Variants in MAPK14 observed in about 807,000 individuals in gnomAD.
MAPK14 encodes CSAID-binding protein.
MAPK14 carries 16 observed loss-of-function variants against 49.6 expected under a neutral mutation model. The ratio of observed to expected loss-of-function variants is 0.32; its 90% CI spans 0.22 to 0.49. MAPK14 has a LOEUF of 0.49. MAPK14 is among the 20% of genes least tolerant of loss of function. The probability of loss-of-function intolerance (pLI) is 0.99; values close to 1 mark genes in which losing one functional copy is unlikely to be tolerated. For synonymous variants in MAPK14, 142 were observed against 158.0 expected (o/e 0.90, Z 0.76); for missense variants, 200 against 441.2 (o/e 0.45, Z 4.90).
chr6:36,113,897 T>A (rs769941674), downstream of MAPK14, among the ~76,000 whole-genome samples: 3 of 152,242 alleles, frequency 2.0e-5, no homozygotes, highest in Non-Finnish European at 4.4e-5. Flanking sequence ...CTGTTAGGCC[T>A]CTGGCAAGCA....
chr6:36,121,192 A>T, the MAPK14 span, among the ~76,000 whole-genome samples: 1 of 152,136 alleles, frequency 6.6e-6, no homozygotes, highest in Admixed American at 6.5e-5. Flanking sequence ...GGGCACAGAC[A>T]CCTTGGAGGA....
At chr6:36,084,415 A>G (rs9366897) in intron 8 of MAPK14, among the ~76,000 whole-genome samples, 16,545 of 152,274 alleles carry the variant, frequency 0.11, 1,691 homozygotes, top group East Asian at 0.51. Flanking sequence ...CTAAAGGAGC[A>G]TGTTCTAACC....
the MAPK14 span, among the ~76,000 whole-genome samples, chr6:36,121,230 TC>T: frequency 6.6e-6 from 1 of 152,194 alleles, no homozygotes; most frequent in Non-Finnish European, 1.5e-5. Flanking sequence ...GCAGGGCCTG[TC>T]CGGATGGGGG....
chr6:36,082,419 A>G (rs1335568362), intron 8 of MAPK14, among the ~76,000 whole-genome samples: 1 of 152,210 alleles, frequency 6.6e-6, no homozygotes, highest in Non-Finnish European at 1.5e-5. Context: ...AGTCCATTTC[A>G]CATTGCTATG....
chr6:36,079,859 G>GA (rs1387146723), intron 8 of MAPK14, among the ~76,000 whole-genome samples: 1 of 150,772 alleles, frequency 6.6e-6, no homozygotes, highest in Non-Finnish European at 1.5e-5. Flanking sequence ...TTGTGGAGAA[G>GA]AAAAAAAAGA....
At position 36,027,944 on chromosome 6, in the gene MAPK14, G is replaced by A. The variant is rs190620906; in HGVS notation, c.-214G>A. The A allele has an allele frequency of 2.3e-6, 1 of 427,256 alleles. No individual in the cohort carries two copies. The highest frequency in any genetic ancestry group is 4.1e-6 in the Non-Finnish European group (1 of 246,170). The allele number at this position is 427,256 out of a possible 1,614,324, so 26.5% of individuals were successfully genotyped here. A position where few individuals can be genotyped will look rare whatever the true frequency, so the allele number is the denominator to read the frequency against. ...GCCGGAGCGCGTCCCTGCCCTTAGC[G>A]GGGCTTGCCCCAGTCGCAGGGGCAC... is the stretch of plus-strand genomic sequence containing the variant. On this transcript the variant is annotated 5_prime_UTR_variant, in exon 1 of 12. Transcript: ENST00000229794.
downstream of MAPK14, among the ~76,000 whole-genome samples, chr6:36,113,709 TGAGAG>T (rs1766014031): frequency 6.6e-6 from 1 of 152,234 alleles, no homozygotes; most frequent in Non-Finnish European, 1.5e-5. Flanking sequence ...TTTTTTACAC[TGAGAG>T]TTTTGTTTTG....
intron 9 of MAPK14, among the ~76,000 whole-genome samples, chr6:36,099,700 G>A (rs750363690): frequency 5.3e-5 from 8 of 152,186 alleles, no homozygotes; most frequent in African/African-American, 9.7e-5. Flanking sequence ...AGATGCCCAC[G>A]TGTGTCTTAA....
At chr6:36,073,511 A>G (rs1382012989) in intron 4 of MAPK14, among the ~76,000 whole-genome samples, 180 bp from the exon 5 acceptor site, 2 of 152,350 alleles carry the variant, frequency 1.3e-5, no homozygotes, top group Admixed American at 6.5e-5. Flanking sequence ...AGTGGAGTCA[A>G]TGGCTGTGGA....
In MAPK14 at chr6:36,028,038, G is replaced by C. The variant is rs1288632851; in HGVS notation, c.-120G>C. 1 of 508,562 alleles carries C rather than the reference G, an allele frequency of 2.0e-6. No individual in the cohort carries two copies. The highest frequency in any genetic ancestry group is 3.3e-6 in the Non-Finnish European group (1 of 299,102). The allele number at this position is 508,562 out of a possible 1,614,324, so 31.5% of individuals were successfully genotyped here. A position where few individuals can be genotyped will look rare whatever the true frequency, so the allele number is the denominator to read the frequency against. On this transcript the variant is annotated 5_prime_UTR_variant, in exon 1 of 12. Coordinates refer to ENST00000229794, the MANE Select transcript of MAPK14 (RefSeq NM_139012.3). The surrounding 1 kb of genome is among the most constrained non-coding windows in gnomAD (Gnocchi z 5.1). ...GCGGGGTCGCGGCAGCCGCACCTGC[G>C]CGGGCGACCAGCGCAAGGTCCCCGC...
intron 6 of MAPK14, among the ~76,000 whole-genome samples, 194 bp from the exon 7 acceptor site, chr6:36,075,654 A>G (rs1764502033): frequency 1.3e-5 from 2 of 152,120 alleles, no homozygotes. Flanking sequence ...TGCTTTTTGT[A>G]ATTTCATTTT....
intron 3 of MAPK14, among the ~76,000 whole-genome samples, chr6:36,063,804 G>C (rs1763926812): frequency 6.6e-6 from 1 of 152,144 alleles, no homozygotes. Flanking sequence ...AGTTGCTCTT[G>C]ACCACCATAG....
chr6:36,124,158 T>TCCTTCCTC, the MAPK14 span, among the ~76,000 whole-genome samples: 1 of 60,130 alleles, frequency 1.7e-5, no homozygotes, highest in Non-Finnish European at 3.7e-5. Context: ...CTCCCTTCCT[T>TCCTTCCTC]CCTTCCTTCC....
intron 1 of MAPK14, among the ~76,000 whole-genome samples, chr6:36,048,999 G>A (rs958911049): frequency 6.6e-6 from 1 of 152,228 alleles, no homozygotes; most frequent in African/African-American, 2.4e-5. Flanking sequence ...ACATGCAGTG[G>A]AGACAGAGAT....
intron 1 of MAPK14, among the ~76,000 whole-genome samples, chr6:36,045,124 C>A (rs1365816327): frequency 2.0e-5 from 3 of 150,688 alleles, no homozygotes; most frequent in Non-Finnish European, 2.9e-5. Context: ...CAGAGTGAGA[C>A]CTTAAAGAAA....
At position 36,072,879 on chromosome 6, in the gene MAPK14, G is replaced by T; in HGVS notation, c.312G>T (p.Leu104=). ...ACTTTTCACTAATTTCTAGGTATCTGGTGACCCATCTCATGGGGGCAGATC... is the reference window on the plus strand; with the variant it reads ...ACTTTTCACTAATTTCTAGGTATCTTGTGACCCATCTCATGGGGGCAGATC... The part of the protein sequence containing the change: ...RSLEEFNDVY[L]VTHLMGADLN... The change falls in exon 4 of 12, where the codon CTG becomes CTT. Residue 104 remains leucine (L), a synonymous_variant. Transcript: ENST00000229794. 2 of 1,579,998 alleles carry T rather than the reference G, an allele frequency of 1.3e-6. No individual in the cohort carries two copies. Among genetic ancestry groups the T allele is most frequent in the East Asian group, 4.5e-5 (2 of 44,706 alleles).
intron 8 of MAPK14, among the ~76,000 whole-genome samples, chr6:36,095,598 G>A (rs1253575202): frequency 6.6e-6 from 1 of 152,174 alleles, no homozygotes; most frequent in Admixed American, 6.5e-5. Flanking sequence ...GCACTTTGCT[G>A]AACTGGTTAC....
the MAPK14 span, among the ~76,000 whole-genome samples, chr6:36,116,658 C>A: frequency 2.6e-5 from 4 of 152,084 alleles, no homozygotes; most frequent in Non-Finnish European, 4.4e-5. Flanking sequence ...TTCAGTGCAC[C>A]CGCTGAGAAC....
At chr6:36,116,584 C>T in the MAPK14 span, among the ~76,000 whole-genome samples, 7 of 152,130 alleles carry the variant, frequency 4.6e-5, no homozygotes, top group African/African-American at 9.7e-5. Flanking sequence ...TGCACAGTGG[C>T]CCGTGCATGC....
Sources: allele counts gnomAD v4.1 joint callset (sites outside exome capture counted in the v4.1 genomes callset), GRCh38; gene constraint gnomAD v4.1.1; non-coding constraint Gnocchi (gnomAD v3.1); transcripts MANE v1.5; gene names NCBI Gene and HGNC (gene_info 2026-07-23, HGNC 2026-07-21).